The following DLG2 variants were observed in gnomAD, a reference collection of about 807,000 sequenced individuals.
DLG2 encodes disks large homolog 2.
A neutral mutation model predicts 132.5 loss-of-function variants in DLG2; 45 were observed. The ratio of observed to expected loss-of-function variants is 0.34; its 90% CI spans 0.27 to 0.44. The LOEUF is 0.44. DLG2 is among the 20% of genes least tolerant of loss of function. The probability of loss-of-function intolerance (pLI) is 1.00; values close to 1 mark genes in which losing one functional copy is unlikely to be tolerated. For missense variants in DLG2, 1,045 were observed against 1,196.9 expected (o/e 0.87, Z 1.87); for synonymous variants, 424 against 419.6 (o/e 1.01, Z -0.13).
chr11:85,467,407 T>C (rs1275747078), intron 3 of DLG2, among the ~76,000 whole-genome samples: 2 of 152,182 alleles, frequency 1.3e-5, no homozygotes, highest in African/African-American at 2.4e-5. Context: ...AGGGAATGCT[T>C]CCAGTTTTTG....
intron 3 of DLG2, among the ~76,000 whole-genome samples, chr11:85,581,877 C>T (rs1475285968): frequency 6.6e-6 from 1 of 151,972 alleles, no homozygotes; most frequent in African/African-American, 2.4e-5. Context: ...AGGTCAGCAG[C>T]TAATGTTGAA....
chr11:83,967,652 T>C (rs561023461), intron 12 of DLG2, among the ~76,000 whole-genome samples: 8 of 152,186 alleles, frequency 5.3e-5, no homozygotes, highest in South Asian at 2.1e-4. Flanking sequence ...ATCAGATATA[T>C]GGTTTGCAAT....
In DLG2 at chr11:84,103,873, A is replaced by G. The variant is rs79496531; in HGVS notation, c.625-4826T>C. Among the ~76,000 whole-genome samples the G allele has an allele frequency of 3.4e-3, 513 of 152,242 alleles. 1 individual carries two copies. Among genetic ancestry groups the G allele is most frequent in the African/African-American group, 0.012 (493 of 41,532 alleles). On this transcript the variant is annotated intron_variant, in intron 9 of 27. Coordinates refer to ENST00000376104, the MANE Select transcript of DLG2 (RefSeq NM_001142699.3). ...TAATATTATAATCACATTCATTTAT[A>G]TATAATGTTGTACCGACAATGATTT... is the stretch of plus-strand genomic sequence containing the variant.
intron 24 of DLG2, 80 bp downstream of exon 24, chr11:83,471,546 G>A: frequency 9.9e-7 from 1 of 1,015,040 alleles, no homozygotes; most frequent in Non-Finnish European, 1.5e-6. Context: ...ACTACTGGAG[G>A]ATGGAATTAC....
intron 6 of DLG2, among the ~76,000 whole-genome samples, chr11:85,097,345 A>C (rs972875267): frequency 6.6e-6 from 1 of 152,196 alleles, no homozygotes; most frequent in Non-Finnish European, 1.5e-5. Context: ...ATCTCTCCTC[A>C]GACTAGCAGG....
intron 3 of DLG2, among the ~76,000 whole-genome samples, chr11:85,437,190 G>A (rs184403263): frequency 5.3e-4 from 81 of 151,668 alleles, no homozygotes; most frequent in African/African-American, 1.8e-3. Flanking sequence ...AGGACAAATA[G>A]CCAATGCATG....
intron 4 of DLG2, among the ~76,000 whole-genome samples, chr11:85,266,056 T>G (rs928766840): frequency 2.6e-5 from 4 of 152,200 alleles, no homozygotes; most frequent in Non-Finnish European, 4.4e-5. Context: ...GGGCAGCCAC[T>G]CCATGCAACG....
rs575247997 is a variant in DLG2 at position 85,229,435 on chromosome 11, A to G, written c.186+55785T>C. Among the ~76,000 whole-genome samples the G allele has an allele frequency of 2.6e-5, 4 of 152,224 alleles. No homozygotes were observed. In the East Asian group the frequency reaches 5.8e-4, roughly 22 times the overall value. On this transcript the variant is annotated intron_variant, in intron 4 of 27. Coordinates refer to ENST00000376104, the MANE Select transcript of DLG2 (RefSeq NM_001142699.3). ...TAGAGAAATGCAAATCAAAACCACA[A>G]TGAGACACCATCTCACACCAGTTAG...
At chr11:84,738,851 C>G (rs1342744536) in intron 6 of DLG2, among the ~76,000 whole-genome samples, 1 of 152,028 alleles carries the variant, frequency 6.6e-6, no homozygotes, top group Non-Finnish European at 1.5e-5. Flanking sequence ...TTGGAAGCAA[C>G]CCACAGATAC....
intron 7 of DLG2, among the ~76,000 whole-genome samples, chr11:84,436,073 C>T (rs1174439747): frequency 1.3e-5 from 2 of 152,060 alleles, no homozygotes; most frequent in Non-Finnish European, 2.9e-5. Context: ...CCTCAAAAGC[C>T]AACTGTTCAA....
chr11:85,271,202 G>A (rs2152734852), intron 4 of DLG2, among the ~76,000 whole-genome samples: 1 of 152,346 alleles, frequency 6.6e-6, no homozygotes, highest in South Asian at 2.1e-4. Context: ...TAAAGCTTAG[G>A]TCATGGCTTC....
rs113436905 is a variant in DLG2, at chr11:84,934,504, G to GTTTTTTTTTTTTTTTT, written c.357+177156_357+177157insAAAAAAAAAAAAAAAA. 4.7e-4 allele frequency among the ~76,000 whole-genome samples: 16 copies of GTTTTTTTTTTTTTTTT among 33,886 alleles called. 4 individuals are homozygous for GTTTTTTTTTTTTTTTT. The highest frequency in any genetic ancestry group is 1.4e-3 in the Admixed American group (5 of 3,582). 22.2% of individuals were successfully genotyped at this position (33,886 alleles called of 152,430 possible). ...TCTGTGAATCTGTATGGTCCTGGGT[G>GTTTTTTTTTTTTTTTT]TTTTTTTTTTGTTTTGTTTTGTTTT... On this transcript the variant is annotated intron_variant, in intron 6 of 27. Coordinates refer to ENST00000376104, the MANE Select transcript of DLG2 (RefSeq NM_001142699.3).
chr11:83,706,750 C>A (rs2084103910), intron 18 of DLG2, among the ~76,000 whole-genome samples: 1 of 152,214 alleles, frequency 6.6e-6, no homozygotes, highest in Non-Finnish European at 1.5e-5. Context: ...CAGTTTTGTG[C>A]ATGCCAGAGT....
chr11:85,470,506 T>A (rs2092950539), intron 3 of DLG2, among the ~76,000 whole-genome samples: 2 of 152,120 alleles, frequency 1.3e-5, no homozygotes, highest in South Asian at 4.1e-4. Context: ...GTGGATCACT[T>A]GAGATCAGGA....
chr11:83,461,155 C>T (rs1188327259), intron 27 of DLG2, among the ~76,000 whole-genome samples: 2 of 151,880 alleles, frequency 1.3e-5, no homozygotes, highest in African/African-American at 4.8e-5. Context: ...ATTACAGGTG[C>T]CTGCCACCAC....
chr11:85,147,402 G>A (rs1383666980), intron 5 of DLG2, among the ~76,000 whole-genome samples: 4 of 152,040 alleles, frequency 2.6e-5, no homozygotes, highest in South Asian at 2.1e-4. Context: ...ATAATGTTTA[G>A]CCTCTTTTTA....
At chr11:84,807,140 T>C (rs1327988708) in intron 6 of DLG2, among the ~76,000 whole-genome samples, 1 of 151,636 alleles carries the variant, frequency 6.6e-6, no homozygotes, top group African/African-American at 2.4e-5. Flanking sequence ...AGAGAACAAA[T>C]AGAAAATTAG....
At chr11:83,819,967 T>C (rs530209907) in intron 17 of DLG2, among the ~76,000 whole-genome samples, 4,632 of 151,224 alleles carry the variant, frequency 0.031, 104 homozygotes, top group Middle Eastern at 0.085. Context: ...ATAAACAAAG[T>C]CACAAATGTT....
rs181566812 is a variant in DLG2, at chr11:84,015,259, G to A, written c.920-34617C>T. 3.3e-5 allele frequency among the ~76,000 whole-genome samples: 5 copies of A among 152,254 alleles called. No homozygotes were observed. In the East Asian group the frequency reaches 7.7e-4, roughly 24 times the overall value. ...CTAAATATAAAGAAGCATGTGCCAAGTAGAAAGATGATTACGTATGAAAGC... is the reference window on the plus strand; with the variant it reads ...CTAAATATAAAGAAGCATGTGCCAAATAGAAAGATGATTACGTATGAAAGC... On this transcript the variant is annotated intron_variant, in intron 11 of 27. Coordinates refer to ENST00000376104, the MANE Select transcript of DLG2 (RefSeq NM_001142699.3).
Sources: gnomAD v4.1 joint callset for allele counts (sites outside exome capture counted in the v4.1 genomes callset) on GRCh38, gnomAD v4.1.1 for gene constraint, MANE v1.5 for transcripts, NCBI Gene and HGNC (gene_info 2026-07-23, HGNC 2026-07-21) for gene names.